SH3BP4: variants seen among roughly 807,000 people sequenced by gnomAD.
SH3BP4 encodes SH3 domain binding protein 4.
In SH3BP4, 33 loss-of-function variants were observed where a neutral mutation model predicts 65.5. The ratio of observed to expected loss-of-function variants is 0.50; its 90% CI spans 0.38 to 0.67. SH3BP4 has a LOEUF of 0.67. Among genes scored for constraint, SH3BP4 ranks in the 30% least tolerant of loss-of-function variants. The pLI is 0.00. For synonymous variants in SH3BP4, 552 were observed against 545.5 expected (o/e 1.01, Z -0.17); for missense variants, 1,134 against 1,261.4 (o/e 0.90, Z 1.53).
chr2:235,003,874 G>GT (rs1027101343), intron 2 of SH3BP4, among the ~76,000 whole-genome samples: 8 of 152,196 alleles, frequency 5.3e-5, no homozygotes, highest in Non-Finnish European at 1.2e-4. Context: ...GTCTGTTCCT[G>GT]TTTTTTCTTA....
intron 1 of SH3BP4, among the ~76,000 whole-genome samples, chr2:234,958,055 G>A (rs1183441088): frequency 6.6e-6 from 1 of 152,066 alleles, no homozygotes; most frequent in Non-Finnish European, 1.5e-5. Flanking sequence ...TTCCTTCCAG[G>A]AAGTCAGGGG....
intron 1 of SH3BP4, among the ~76,000 whole-genome samples, chr2:234,959,653 CTTT>C (rs148083180): frequency 0.011 from 1,392 of 123,788 alleles, 24 homozygotes; most frequent in African/African-American, 0.035. Flanking sequence ...GAGGATTTGA[CTTT>C]TTTTTTTTTT....
chr2:235,012,346 C>T (rs530589487), intron 2 of SH3BP4, among the ~76,000 whole-genome samples: 4 of 152,350 alleles, frequency 2.6e-5, no homozygotes, highest in African/African-American at 9.6e-5. Context: ...CCAGGCTCCA[C>T]TTACACAGGT....
At chr2:234,973,892 C>T (rs1693086228) in intron 1 of SH3BP4, among the ~76,000 whole-genome samples, 1 of 152,074 alleles carries the variant, frequency 6.6e-6, no homozygotes, top group Non-Finnish European at 1.5e-5. Flanking sequence ...GCCTCAGCTT[C>T]CCAAAGTGCT....
rs143276132 is a variant in SH3BP4 at position 235,000,169 on chromosome 2, C to T, written c.-133+4793C>T. Among the ~76,000 whole-genome samples, 857 of 152,330 alleles carry T rather than the reference C, an allele frequency of 5.6e-3. 10 individuals carry two copies. Among genetic ancestry groups the T allele is most frequent in the African/African-American group, 0.019 (807 of 41,566 alleles). ...AATAGGGGAAGTGGCACTCACTTAT[C>T]CTCGGCTGGGCTTCTCTGCAGGCTC... On this transcript the variant is annotated intron_variant, in intron 2 of 5. Transcript: ENST00000392011.
chr2:234,952,055 A>C lies in SH3BP4; in HGVS notation c.-322A>C, dbSNP rs1425569970. On this transcript the variant is annotated 5_prime_UTR_variant, in exon 1 of 6. Coordinates refer to ENST00000392011, the MANE Select transcript of SH3BP4 (RefSeq NM_014521.3). The surrounding 1 kb of genome is among the most constrained non-coding windows in gnomAD (Gnocchi z 6.5). The stretch of plus-strand genomic sequence containing the variant: ...CTCTCGGCGGTCCGGGCCCCTCGCC[A>C]CTACCGCCGCCGCCGCCGCCGTGAG... 9 of 145,510 alleles carry C rather than the reference A, an allele frequency of 6.2e-5. No homozygotes were observed. The highest frequency in any genetic ancestry group is 1.2e-4 in the Non-Finnish European group (8 of 65,536). The allele number at this position is 145,510 out of a possible 1,614,324, so 9.0% of individuals were successfully genotyped here. A position where few individuals can be genotyped will look rare whatever the true frequency, so the allele number is the denominator to read the frequency against.
chr2:235,009,391 A>T (rs555024484), intron 2 of SH3BP4, among the ~76,000 whole-genome samples: 1 of 152,326 alleles, frequency 6.6e-6, no homozygotes, highest in South Asian at 2.1e-4. Flanking sequence ...TGAGCCAGAG[A>T]TAAGAGGATC....
chr2:235,047,734 C>G (rs905756266), intron 4 of SH3BP4, among the ~76,000 whole-genome samples: 2 of 152,200 alleles, frequency 1.3e-5, no homozygotes, highest in African/African-American at 4.8e-5. Flanking sequence ...TGAGCTGTCA[C>G]AACTGGTCCT....
At chr2:234,987,776 T>C (rs1394106398) in intron 1 of SH3BP4, among the ~76,000 whole-genome samples, 1 of 152,134 alleles carries the variant, frequency 6.6e-6, no homozygotes, top group African/African-American at 2.4e-5. Flanking sequence ...CCAGAAGTGA[T>C]TGGGCAGTGA....
At chr2:235,027,076 A>G (rs1358356483) in intron 2 of SH3BP4, among the ~76,000 whole-genome samples, 1 of 152,170 alleles carries the variant, frequency 6.6e-6, no homozygotes, top group Non-Finnish European at 1.5e-5. Context: ...GGTGGCGGGA[A>G]AGGTTTGGAT....
In SH3BP4 at chr2:235,001,023, C is replaced by G. The variant is rs118142923; in HGVS notation, c.-133+5647C>G. ...TCATTGCCCATAAATCCCGTTTACACGGTGCCCACTTTTGTGTCTGAGCTG... is the reference window on the plus strand; with the variant it reads ...TCATTGCCCATAAATCCCGTTTACAGGGTGCCCACTTTTGTGTCTGAGCTG... On this transcript the variant is annotated intron_variant, in intron 2 of 5. Transcript: ENST00000392011. Among the ~76,000 whole-genome samples the G allele has an allele frequency of 7.9e-4, 120 of 152,376 alleles. 1 individual carries two copies. The East Asian group carries it at 0.019, about 24-fold the overall frequency.
In SH3BP4 at chr2:234,977,754, G is replaced by C. The variant is rs189130652; in HGVS notation, c.-206-17549G>C. Among the ~76,000 whole-genome samples the C allele has an allele frequency of 1.5e-4, 23 of 152,230 alleles. No individual in the cohort carries two copies. In the East Asian group the frequency reaches 4.5e-3, roughly 29 times the overall value. On this transcript the variant is annotated intron_variant, in intron 1 of 5. Transcript: ENST00000392011. This position sits in a 1 kb window ranked among gnomAD's most constrained non-coding sequence, Gnocchi z 5.1. ...TTTTTGCTTATGCAGTTAGTGCACA[G>C]AGTGAGCCCTGCGCTGGGAAAGACA... is the stretch of plus-strand genomic sequence containing the variant.
chr2:234,985,960 A>G (rs771294592), intron 1 of SH3BP4, among the ~76,000 whole-genome samples: 22 of 149,978 alleles, frequency 1.5e-4, no homozygotes, highest in East Asian at 3.9e-4. Context: ...ATATACATCT[A>G]TGAGCGCAGA....
chr2:235,011,704 A>G (rs1694512268), intron 2 of SH3BP4, among the ~76,000 whole-genome samples: 1 of 152,182 alleles, frequency 6.6e-6, no homozygotes, highest in South Asian at 2.1e-4. Context: ...CTTCCTCTCG[A>G]CTTACATTAA....
intron 2 of SH3BP4, among the ~76,000 whole-genome samples, chr2:235,029,777 T>C (rs1422648530): frequency 2.6e-5 from 4 of 152,188 alleles, no homozygotes; most frequent in Non-Finnish European, 2.9e-5. Flanking sequence ...GGTGCGGCAC[T>C]CGGGATGGGC....
At chr2:235,006,666 C>T (rs1694306039) in intron 2 of SH3BP4, among the ~76,000 whole-genome samples, 1 of 152,136 alleles carries the variant, frequency 6.6e-6, no homozygotes, top group Admixed American at 6.5e-5. Context: ...GGGCCAGCAC[C>T]CCTTGGGCTC....
At chr2:234,963,954 G>T (rs1028537954) in intron 1 of SH3BP4, among the ~76,000 whole-genome samples, 2 of 152,228 alleles carry the variant, frequency 1.3e-5, no homozygotes, top group Non-Finnish European at 2.9e-5. Context: ...TTTGGATCTT[G>T]ACTGCGGTCT....
intron 5 of SH3BP4, 106 bp from the exon 6 acceptor site, chr2:235,053,486 A>G (rs1696127741): frequency 3.7e-6 from 3 of 801,264 alleles, no homozygotes; most frequent in East Asian, 2.7e-5. Context: ...AGTGTCCCAA[A>G]TAGTGACTAC....
chr2:234,977,817 A>G lies in SH3BP4; in HGVS notation c.-206-17486A>G, dbSNP rs1486601254. 6.6e-5 allele frequency among the ~76,000 whole-genome samples: 10 copies of G among 152,054 alleles called. No individual in the cohort carries two copies. Among genetic ancestry groups the G allele is most frequent in the Non-Finnish European group, 1.3e-4 (9 of 67,982 alleles). On this transcript the variant is annotated intron_variant, in intron 1 of 5. Transcript: ENST00000392011. The surrounding 1 kb of genome is among the most constrained non-coding windows in gnomAD (Gnocchi z 5.1). ...TGCACACACATGGGCACACACACAC[A>G]TGCGTGCACACACACGCAGACCCTG...
Sources: allele counts gnomAD v4.1 joint callset (sites outside exome capture counted in the v4.1 genomes callset), GRCh38; gene constraint gnomAD v4.1.1; non-coding constraint Gnocchi (gnomAD v3.1); transcripts MANE v1.5; gene names NCBI Gene and HGNC (gene_info 2026-07-23, HGNC 2026-07-21).